The following PCDHGA5 variants were observed in gnomAD, a reference collection of about 807,000 sequenced individuals.
PCDHGA5 encodes protocadherin gamma-A5.
Under a neutral mutation model 56.7 loss-of-function variants are expected in PCDHGA5, and 36 were observed. The ratio of observed to expected loss-of-function variants is 0.64; its 90% confidence interval spans 0.49 to 0.84. The LOEUF (loss-of-function observed/expected upper bound fraction) is 0.84, where lower values mean the gene tolerates loss of function less well. Ranked by LOEUF, PCDHGA5 falls within the 40% of genes least tolerant of loss-of-function variation. The pLI is 0.00. For missense variants in PCDHGA5, 1,305 were observed against 1,201.5 expected, an observed-to-expected ratio of 1.09 and a Z score of -1.27; for synonymous variants, 563 against 520.2, an observed-to-expected ratio of 1.08 and a Z score of -1.12.
chr5:141,509,586 T>A (rs2154594569), intron 3 of PCDHGA5, among the ~76,000 whole-genome samples: 1 of 152,302 alleles, frequency 6.6e-6, no homozygotes, highest in East Asian at 1.9e-4. Flanking sequence ...ACAAATCAGC[T>A]GGCAATTCCG....
chr5:141,366,184 G>T lies in PCDHGA5; in HGVS notation c.1854G>T (p.Ala618=). Residue 618 remains alanine (A), a synonymous_variant, in exon 1 of 4, where the codon GCG becomes GCT. Transcript: ENST00000518069. ...AGGCCAGCGAGCCAGGACTCTTTGCGGTTGGGCTGCACACGGGCGAGGTGC... is the reference window on the plus strand; with the variant it reads ...AGGCCAGCGAGCCAGGACTCTTTGCTGTTGGGCTGCACACGGGCGAGGTGC... ...LLKASEPGLF[A]VGLHTGEVRT... 2 of 1,613,984 alleles carry T rather than the reference G, an allele frequency of 1.2e-6. No homozygotes were observed. Among genetic ancestry groups the T allele is most frequent in the South Asian group, 1.1e-5 (1 of 91,084 alleles).
rs769756883 is a variant in PCDHGA5, at chr5:141,366,301, C to G, written c.1971C>G (p.Thr657=). The G allele has an allele frequency of 6.2e-7, 1 of 1,613,784 alleles. No individual in the cohort carries two copies. The highest frequency in any genetic ancestry group is 8.5e-7 in the Non-Finnish European group (1 of 1,180,000). Residue 657 remains threonine (T), a synonymous_variant, in exon 1 of 4, where the codon ACC becomes ACG. Transcript: ENST00000518069. The stretch of plus-strand genomic sequence containing the variant: ...ATGGCCAGCCCCCTCTGTCAGCCAC[C>G]TTCACGGTCACCGTTGCCGTGGCCG... ...EDHGQPPLSA[T]FTVTVAVADR...
chr5:141,433,358 C>CCCATCTAT (rs1554125967), intron 1 of PCDHGA5: 6 of 503,934 alleles, frequency 1.2e-5, no homozygotes, highest in Admixed American at 3.6e-5. Context: ...CTACTGTCTG[C>CCCATCTAT]CTATCTATCT....
In PCDHGA5 at chr5:141,486,184, A is replaced by G. The variant is rs2099625756; in HGVS notation, c.2422-8623A>G. 8 of 1,614,014 alleles carry G rather than the reference A, an allele frequency of 5.0e-6. No homozygotes were observed. Among genetic ancestry groups the G allele is most frequent in the Non-Finnish European group, 6.8e-6 (8 of 1,180,026 alleles). On this transcript the variant is annotated intron_variant, in intron 1 of 3. Transcript: ENST00000518069. This position sits in a 1 kb window ranked among gnomAD's most constrained non-coding sequence, Gnocchi z 5.0. ...CCATGGAGCAACATTGCAGCCTTCG[A>G]GTGGATCTGCTGGACGTAAATGACA...
At chr5:141,411,562 C>A (rs569842846) in intron 1 of PCDHGA5, 1 of 152,054 alleles carries the variant, frequency 6.6e-6, no homozygotes, top group Non-Finnish European at 1.5e-5. Context: ...CCAGCCTGGG[C>A]GACAGAGTGC....
rs770010951 is a variant in PCDHGA5 at position 141,408,783 on chromosome 5, T to A, written c.2421+42032T>A. On this transcript the variant is annotated intron_variant, in intron 1 of 3. Transcript: ENST00000518069. ...TCCGATGGTGGCAAATACCCAGAGT[T>A]ATCTCTGGAGAAACTCCTAGACCGG... 26 of 1,612,386 alleles carry A rather than the reference T, an allele frequency of 1.6e-5. No homozygotes were observed. The East Asian group carries it at 5.8e-4, about 36-fold the overall frequency.
chr5:141,472,994 AAAAG>A (rs1425445230), intron 1 of PCDHGA5, among the ~76,000 whole-genome samples: 7 of 151,692 alleles, frequency 4.6e-5, no homozygotes, highest in African/African-American at 1.7e-4. Context: ...AAAAAAAAAA[AAAAG>A]AAAGAAAAAG....
Position 141,375,503 on chromosome 5 carries a change from G to A in PCDHGA5, c.2421+8752G>A. 1.5e-5 allele frequency: 24 copies of A among 1,613,982 alleles called. 1 individual carries two copies. The highest frequency in any genetic ancestry group is 2.0e-5 in the Non-Finnish European group (24 of 1,179,940). On this transcript the variant is annotated intron_variant, in intron 1 of 3. Transcript: ENST00000518069. ...CCCCAGGGGTGCCTCCATCTTCTCT[G>A]TGAATGCACTGGACCCTGACGTGGA...
Position 141,371,037 on chromosome 5 carries a change from G to A in PCDHGA5, c.2421+4286G>A, listed in dbSNP as rs373150812. 63 of 1,613,876 alleles carry A rather than the reference G, an allele frequency of 3.9e-5. No homozygotes were observed. The African/African-American group carries it at 7.9e-4, about 20-fold the overall frequency. ...ACATCACCACCTGGTCCTCACAGCT[G>A]TGGATGGGGGCGAGCCCTCCAGAAG... On this transcript the variant is annotated intron_variant, in intron 1 of 3. Transcript: ENST00000518069.
intron 1 of PCDHGA5, among the ~76,000 whole-genome samples, chr5:141,402,286 C>T (rs2094248272): frequency 6.6e-6 from 1 of 151,638 alleles, no homozygotes; most frequent in Non-Finnish European, 1.5e-5. Flanking sequence ...ATAATCTATC[C>T]TTATATATGT....
chr5:141,400,591 C>A, intron 1 of PCDHGA5: 1 of 1,602,976 alleles, frequency 6.2e-7, no homozygotes, highest in Non-Finnish European at 8.5e-7. Flanking sequence ...ATGAAACTAT[C>A]GTACATTTTC....
intron 1 of PCDHGA5, chr5:141,404,120 C>T (rs1224189151): frequency 1.2e-6 from 2 of 1,613,312 alleles, no homozygotes; most frequent in East Asian, 4.5e-5. Flanking sequence ...CCAGGAGAAT[C>T]TATCTTTTAC....
intron 1 of PCDHGA5, among the ~76,000 whole-genome samples, chr5:141,479,909 A>G (rs2099509651): frequency 6.6e-6 from 1 of 152,160 alleles, no homozygotes; most frequent in South Asian, 2.1e-4. Context: ...AAACACTGTT[A>G]TTTTGTTACT....
At chr5:141,369,551 T>G (rs1335245789) in intron 1 of PCDHGA5, among the ~76,000 whole-genome samples, 1 of 152,156 alleles carries the variant, frequency 6.6e-6, no homozygotes, top group Non-Finnish European at 1.5e-5. Context: ...AAGTAGACAC[T>G]TGGAAACAAA....
At chr5:141,460,842 C>T (rs1339558359) in intron 1 of PCDHGA5, among the ~76,000 whole-genome samples, 2 of 150,412 alleles carry the variant, frequency 1.3e-5, no homozygotes, top group African/African-American at 2.4e-5. Flanking sequence ...GTAATGGCCT[C>T]CAGTTCGATC....
rs769955902 is a variant in PCDHGA5 at position 141,364,518 on chromosome 5, G to A, written c.188G>A (p.Gly63Glu). Residue 63 changes from glycine (G) to glutamate (E), a missense_variant, in exon 1 of 4, where the codon GGA becomes GAA. Coordinates refer to ENST00000518069, the MANE Select transcript of PCDHGA5 (RefSeq NM_018918.3). Reference sequence around the variant, plus strand: ...GAGCCCCAGGAGCTGGCGGAGCGCGGAGTCCGCATCGTCTCCAGAGGTAGG... The same window carrying A: ...GAGCCCCAGGAGCTGGCGGAGCGCGAAGTCCGCATCGTCTCCAGAGGTAGG... ...GLEPQELAERGVRIVSRGRTQ... is the reference protein window; with the variant it reads ...GLEPQELAEREVRIVSRGRTQ... The A allele has an allele frequency of 6.8e-6, 11 of 1,614,038 alleles. No homozygotes were observed. The highest frequency in any genetic ancestry group is 9.3e-6 in the Non-Finnish European group (11 of 1,179,908).
chr5:141,427,895 G>T (rs539406412), intron 1 of PCDHGA5: 3 of 1,569,228 alleles, frequency 1.9e-6, no homozygotes, highest in South Asian at 2.2e-5. Context: ...ACCAGGGCTC[G>T]CCCGCGCTCA....
chr5:141,474,608 T>G (rs1469173973), intron 1 of PCDHGA5, among the ~76,000 whole-genome samples: 1 of 152,268 alleles, frequency 6.6e-6, no homozygotes, highest in Non-Finnish European at 1.5e-5. Flanking sequence ...AGGTCACATA[T>G]GGCTTTTCAT....
chr5:141,409,230 A>G, intron 1 of PCDHGA5: 1 of 1,614,024 alleles, frequency 6.2e-7, no homozygotes. Context: ...GAAAACGACA[A>G]CAGCCCAGAA....
Sources: allele counts gnomAD v4.1 joint callset (sites outside exome capture counted in the v4.1 genomes callset), GRCh38; gene constraint gnomAD v4.1.1; non-coding constraint Gnocchi (gnomAD v3.1); transcripts MANE v1.5; gene names NCBI Gene and HGNC (gene_info 2026-07-23, HGNC 2026-07-21).